Variants in ORC3 observed in about 807,000 individuals in gnomAD.
ORC3 encodes origin recognition complex subunit 3.
In ORC3, 78 loss-of-function variants were observed where a neutral mutation model predicts 100.7. That is an observed-to-expected ratio of 0.77 (90% CI 0.65 to 0.94). The LOEUF (loss-of-function observed/expected upper bound fraction) is 0.94. Ranked by LOEUF, ORC3 falls within the 40% of genes least tolerant of loss-of-function variation. The pLI is 0.00. For missense variants in ORC3, 789 were observed against 823.9 expected, an observed-to-expected ratio of 0.96 and a Z score of 0.52; for synonymous variants, 295 against 289.3, an observed-to-expected ratio of 1.02 and a Z score of -0.20.
chr6:87,615,586 T>G (rs942689682), intron 8 of ORC3, among the ~76,000 whole-genome samples: 3 of 152,210 alleles, frequency 2.0e-5, no homozygotes, highest in Admixed American at 1.3e-4. Flanking sequence ...TCCCTTTTAC[T>G]TGGTAGGCTG....
chr6:87,663,488 A>G (rs1770364147), intron 17 of ORC3, among the ~76,000 whole-genome samples: 1 of 152,274 alleles, frequency 6.6e-6, no homozygotes. Context: ...GCAGACAGGG[A>G]TTAAACAATA....
chr6:87,614,413 G>A (rs916356900), intron 8 of ORC3, among the ~76,000 whole-genome samples: 5 of 152,176 alleles, frequency 3.3e-5, no homozygotes, highest in African/African-American at 1.2e-4. Context: ...ACATGCCCTG[G>A]AGATATTTTC....
At chr6:87,671,413 TGA>T (rs1488035180), downstream of ORC3, among the ~76,000 whole-genome samples, 1 of 151,918 alleles carries the variant, frequency 6.6e-6, no homozygotes, top group African/African-American at 2.4e-5. Flanking sequence ...TGAGGATGAC[TGA>T]GAGGAAAAAT....
rs192263752 is a variant in ORC3 at position 87,590,989 on chromosome 6, C to T, written c.24+797C>T. Among the ~76,000 whole-genome samples, 382 of 152,120 alleles carry T rather than the reference C, an allele frequency of 2.5e-3. 2 individuals carry two copies. The highest frequency in any genetic ancestry group is 8.8e-3 in the African/African-American group (366 of 41,502). Reference sequence around the variant, plus strand: ...TAGTGTAGTTGGTAAGAAGATAAGCCCTAGAGCTGTATTGTCCAATGTGTT... The same window carrying T: ...TAGTGTAGTTGGTAAGAAGATAAGCTCTAGAGCTGTATTGTCCAATGTGTT... On this transcript the variant is annotated intron_variant, in intron 1 of 19. Transcript: ENST00000392844.
intron 12 of ORC3, among the ~76,000 whole-genome samples, chr6:87,635,725 A>G (rs1294111767): frequency 6.6e-6 from 1 of 151,800 alleles, no homozygotes; most frequent in African/African-American, 2.4e-5. Flanking sequence ...TGAACCTGGG[A>G]GGCGGAGGTT....
intron 13 of ORC3, among the ~76,000 whole-genome samples, chr6:87,638,771 CTGATA>C (rs1488795645): frequency 6.6e-6 from 1 of 152,162 alleles, no homozygotes; most frequent in Non-Finnish European, 1.5e-5. Flanking sequence ...TTGTTTAACA[CTGATA>C]TGGGTATTAC....
At position 87,646,681 on chromosome 6, in the gene ORC3, CT is replaced by C. The variant is rs139092587; in HGVS notation, c.1383-6433del. ...CTTCTTAATGGATTTCTAGGACTTT[CT>C]TGGTTTTTCTCCTACCTCAGTATAT... On this transcript the variant is annotated intron_variant, in intron 13 of 19. Coordinates refer to ENST00000392844, the MANE Select transcript of ORC3 (RefSeq NM_012381.4). Among the ~76,000 whole-genome samples the C allele has an allele frequency of 2.4e-3, 366 of 152,310 alleles. 2 individuals carry two copies. The South Asian group carries it at 0.027, about 11-fold the overall frequency.
At chr6:87,664,606 GACTC>G in intron 17 of ORC3, 133 bp from the exon 18 acceptor site, 1 of 662,970 alleles carries the variant, frequency 1.5e-6, no homozygotes, top group Non-Finnish European at 2.7e-6. Context: ...CTATTGAATA[GACTC>G]ACTCACTAAA....
chr6:87,643,697 A>T (rs1250918255), intron 13 of ORC3, among the ~76,000 whole-genome samples: 3 of 152,216 alleles, frequency 2.0e-5, no homozygotes, highest in Non-Finnish European at 4.4e-5. Flanking sequence ...CATTAATTTT[A>T]AAAACTCAGA....
intron 13 of ORC3, chr6:87,651,406 G>T: frequency 2.5e-6 from 1 of 405,808 alleles, no homozygotes; most frequent in South Asian, 1.8e-5. Flanking sequence ...AGGTTTAACA[G>T]ATTGTTCAAG....
intron 9 of ORC3, among the ~76,000 whole-genome samples, chr6:87,618,165 C>G (rs1156316344): frequency 6.6e-6 from 1 of 152,316 alleles, no homozygotes; most frequent in East Asian, 1.9e-4. Flanking sequence ...AATCCCAGCA[C>G]TTGGGGAGGC....
At chr6:87,642,943 T>TAA (rs10657359) in intron 13 of ORC3, among the ~76,000 whole-genome samples, 90,470 of 151,024 alleles carry the variant, frequency 0.6, 27,707 homozygotes, top group African/African-American at 0.72. Context: ...AAATGAAAAA[T>TAA]AAAAATAGAA....
At chr6:87,650,926 G>C (rs1487789164) in intron 13 of ORC3, 1 of 311,456 alleles carries the variant, frequency 3.2e-6, no homozygotes, top group Admixed American at 3.9e-5. Context: ...AGAATCGCTT[G>C]GACCTGGGAG....
chr6:87,591,555 T>C (rs547766244), intron 1 of ORC3, among the ~76,000 whole-genome samples: 41 of 152,320 alleles, frequency 2.7e-4, no homozygotes, highest in African/African-American at 9.4e-4. Flanking sequence ...GTCTATCCCT[T>C]AATCCTGTTG....
chr6:87,628,671 A>G (rs1338146751), intron 11 of ORC3, among the ~76,000 whole-genome samples: 1 of 152,214 alleles, frequency 6.6e-6, no homozygotes, highest in Admixed American at 6.5e-5. Context: ...CATGTCACAG[A>G]GCAAGTTCAT....
At position 87,606,115 on chromosome 6, in the gene ORC3, TG is replaced by T; in HGVS notation, c.427+96del. The T allele has an allele frequency of 4.0e-6, 3 of 751,174 alleles. No individual in the cohort carries two copies. In the South Asian group the frequency reaches 5.0e-5, roughly 12 times the overall value. The allele number at this position is 751,174 out of a possible 1,614,324, so 46.5% of individuals were successfully genotyped here. A position where few individuals can be genotyped will look rare whatever the true frequency, so the allele number is the denominator to read the frequency against. ...TTCAGGCTTTCTTTATCCCTTTTTT[TG>T]GTGGAAAGAACACAGTGCTATGTTT... On this transcript the variant is annotated intron_variant, in intron 5 of 19. Coordinates refer to ENST00000392844, the MANE Select transcript of ORC3 (RefSeq NM_012381.4).
chr6:87,672,903 T>C, the ORC3 span, among the ~76,000 whole-genome samples: 1 of 152,164 alleles, frequency 6.6e-6, no homozygotes, highest in African/African-American at 2.4e-5. Flanking sequence ...TACAGTACTG[T>C]ATCAGTACTG....
At chr6:87,614,805 G>GTCCATATCATTA (rs1258866093) in intron 8 of ORC3, among the ~76,000 whole-genome samples, 5 of 152,116 alleles carry the variant, frequency 3.3e-5, no homozygotes, top group Non-Finnish European at 7.3e-5. Flanking sequence ...CTGTTTCATT[G>GTCCATATCATTA]TCCATATCAT....
rs1778823106 is a variant in ORC3 at position 87,612,200 on chromosome 6, G to A, written c.825G>A (p.Leu275=). The change falls in exon 8 of 20, where the codon CTG becomes CTA. Residue 275 remains leucine (L), a synonymous_variant. Coordinates refer to ENST00000392844, the MANE Select transcript of ORC3 (RefSeq NM_012381.4). ...TATCATCTCTATTGTGCATAGAACT[G>A]TTCCAATCTTTGTCTTGTAAGGAGC... ...HAVSSLLCIE[L]FQSLSCKEHL... is the part of the protein sequence containing the mutation. The A allele has an allele frequency of 1.9e-6, 3 of 1,611,840 alleles. No homozygotes were observed. Among genetic ancestry groups the A allele is most frequent in the Middle Eastern group, 1.7e-4 (1 of 6,056 alleles).
Sources: gnomAD v4.1 joint callset for allele counts (sites outside exome capture counted in the v4.1 genomes callset) on GRCh38, gnomAD v4.1.1 for gene constraint, MANE v1.5 for transcripts, NCBI Gene and HGNC (gene_info 2026-07-23, HGNC 2026-07-21) for gene names.